The following DNM3 variants were observed in gnomAD, a reference collection of about 807,000 sequenced individuals.
DNM3 encodes dynamin-3.
A neutral mutation model predicts 101.6 loss-of-function variants in DNM3; 47 were observed. That is an observed-to-expected ratio of 0.46 (90% CI 0.37 to 0.59). The LOEUF is 0.59. DNM3 is among the 20% of genes least tolerant of loss of function. DNM3 has a pLI of 0.00. For synonymous variants in DNM3, 385 were observed against 387.9 expected, an observed-to-expected ratio of 0.99 and a Z score of 0.09; for missense variants, 849 against 1,085.7, an observed-to-expected ratio of 0.78 and a Z score of 3.06.
chr1:171,958,001 T>G (rs974790424), intron 2 of DNM3, among the ~76,000 whole-genome samples: 2 of 152,220 alleles, frequency 1.3e-5, no homozygotes, highest in African/African-American at 2.4e-5. Context: ...GTCTTCATTT[T>G]GCTGATAAAG....
intron 2 of DNM3, among the ~76,000 whole-genome samples, chr1:171,973,748 C>A (rs989761612): frequency 2.0e-5 from 3 of 151,558 alleles, no homozygotes; most frequent in African/African-American, 7.3e-5. Flanking sequence ...ACTGCAGCCT[C>A]AACCTCCAGG....
intron 17 of DNM3, among the ~76,000 whole-genome samples, chr1:172,356,987 G>A (rs1289185522): frequency 6.6e-6 from 1 of 151,636 alleles, no homozygotes; most frequent in African/African-American, 2.4e-5. Context: ...ACTAAATCTG[G>A]GACAATTTCA....
chr1:172,252,448 C>G (rs2062210282), intron 14 of DNM3, among the ~76,000 whole-genome samples: 2 of 152,146 alleles, frequency 1.3e-5, no homozygotes, highest in Admixed American at 1.3e-4. Flanking sequence ...GCTGTAGGAA[C>G]AAAAGGATTT....
At chr1:172,396,660 A>G (rs2070028908) in intron 20 of DNM3, among the ~76,000 whole-genome samples, 1 of 152,202 alleles carries the variant, frequency 6.6e-6, no homozygotes, top group African/African-American at 2.4e-5. Flanking sequence ...ATGACTTGGG[A>G]ATGGTCTTAT....
At chr1:172,326,138 G>A (rs1284439271) in intron 17 of DNM3, among the ~76,000 whole-genome samples, 2 of 152,138 alleles carry the variant, frequency 1.3e-5, no homozygotes, top group Non-Finnish European at 2.9e-5. Context: ...ATGCATGACG[G>A]AACAAAACAT....
At chr1:172,075,195 T>C (rs2052551465) in intron 11 of DNM3, among the ~76,000 whole-genome samples, 1 of 152,156 alleles carries the variant, frequency 6.6e-6, no homozygotes, top group Admixed American at 6.5e-5. Context: ...ACGTTCTTTG[T>C]AAATTCTGGA....
At chr1:172,212,042 C>G (rs1464564199) in intron 14 of DNM3, among the ~76,000 whole-genome samples, 2 of 151,974 alleles carry the variant, frequency 1.3e-5, no homozygotes, top group African/African-American at 4.8e-5. Flanking sequence ...GAATTTGTAG[C>G]TAATAGGCAG....
intron 1 of DNM3, among the ~76,000 whole-genome samples, chr1:171,865,016 A>C (rs1323366065): frequency 6.6e-6 from 1 of 152,178 alleles, no homozygotes; most frequent in East Asian, 1.9e-4. Flanking sequence ...AATTGGACGG[A>C]GAGACATTCT....
Position 171,921,072 on chromosome 1 carries a change from C to G in DNM3, c.162-676C>G, listed in dbSNP as rs189830268. 1.9e-3 allele frequency among the ~76,000 whole-genome samples: 283 copies of G among 152,010 alleles called. 2 individuals are homozygous for G. The highest frequency in any genetic ancestry group is 6.7e-3 in the African/African-American group (277 of 41,482). Reference sequence around the variant, plus strand: ...CTGGGTAGCTGGGACTAGAGGCCCACGCCACCACGTCTGGCTGGCTAGTTT... The same window carrying G: ...CTGGGTAGCTGGGACTAGAGGCCCAGGCCACCACGTCTGGCTGGCTAGTTT... On this transcript the variant is annotated intron_variant, in intron 1 of 20. Transcript: ENST00000627582.
At chr1:171,973,691 A>G (rs1369902591) in intron 2 of DNM3, among the ~76,000 whole-genome samples, 1 of 137,568 alleles carries the variant, frequency 7.3e-6, no homozygotes, top group African/African-American at 2.8e-5. Context: ...TTTTTTTTTG[A>G]TACAAGATCT....
intron 18 of DNM3, among the ~76,000 whole-genome samples, chr1:172,385,303 A>G (rs565628165): frequency 1.8e-3 from 267 of 152,346 alleles, no homozygotes; most frequent in Non-Finnish European, 3.3e-3. Flanking sequence ...TAATTTTCCT[A>G]AAACTCTCTT....
intron 2 of DNM3, among the ~76,000 whole-genome samples, chr1:171,961,175 C>T (rs556780623): frequency 8.6e-5 from 13 of 151,954 alleles, no homozygotes; most frequent in South Asian, 4.2e-4. Context: ...AAGATGGATG[C>T]GATGGAGGGA....
At chr1:172,158,656 A>G (rs1156759549) in intron 14 of DNM3, among the ~76,000 whole-genome samples, 1 of 152,072 alleles carries the variant, frequency 6.6e-6, no homozygotes, top group Admixed American at 6.6e-5. Flanking sequence ...GAAAAAATCT[A>G]AAGTCCAAAT....
intron 10 of DNM3, among the ~76,000 whole-genome samples, chr1:172,066,946 C>G (rs1572354690): frequency 9.2e-6 from 1 of 108,802 alleles, no homozygotes; most frequent in Non-Finnish European, 1.9e-5. Context: ...CTCTCTGTCT[C>G]TGTGTTTGTG....
chr1:172,366,794 C>T lies in DNM3; in HGVS notation c.1894-12224C>T, dbSNP rs146239477. ...TCAACCAAAAGAAAGAATTTTTAAACTTGAAGGTGACTATTTTGAAATAAC... is the reference window on the plus strand; with the variant it reads ...TCAACCAAAAGAAAGAATTTTTAAATTTGAAGGTGACTATTTTGAAATAAC... On this transcript the variant is annotated intron_variant, in intron 17 of 20. Transcript: ENST00000627582. 5 of 151,646 alleles carry T rather than the reference C, an allele frequency of 3.3e-5. No homozygotes were observed. The East Asian group carries it at 9.8e-4, about 30-fold the overall frequency. 9.4% of individuals were successfully genotyped at this position (151,646 alleles called of 1,614,324 possible).
At position 172,337,845 on chromosome 1, in the gene DNM3, A is replaced by ATTTTATTTTAT. The variant is rs1173266325; in HGVS notation, c.1893+14509_1893+14519dup. Among the ~76,000 whole-genome samples the ATTTTATTTTAT allele has an allele frequency of 1.0e-4, 15 of 145,356 alleles. 1 individual carries two copies. The highest frequency in any genetic ancestry group is 3.6e-4 in the African/African-American group (14 of 38,392). On this transcript the variant is annotated intron_variant, in intron 17 of 20. Transcript: ENST00000627582. ...AATATGGCTTGGGAGTATTCATTTT[A>ATTTTATTTTAT]TTTTATTTTATTTTATTTTATTTTT...
chr1:172,117,184 A>G (rs1010516898), intron 13 of DNM3, among the ~76,000 whole-genome samples: 7 of 151,916 alleles, frequency 4.6e-5, no homozygotes, highest in Admixed American at 4.6e-4. Flanking sequence ...CAGCCTGGGC[A>G]ACAAGAGCAA....
At chr1:172,347,728 T>C (rs1339985727) in intron 17 of DNM3, among the ~76,000 whole-genome samples, 1 of 152,050 alleles carries the variant, frequency 6.6e-6, no homozygotes, top group East Asian at 1.9e-4. Flanking sequence ...TAGAAGGAAA[T>C]AGTAGAATGG....
intron 2 of DNM3, among the ~76,000 whole-genome samples, chr1:171,927,563 G>A (rs1238861031): frequency 6.6e-6 from 1 of 152,186 alleles, no homozygotes; most frequent in Non-Finnish European, 1.5e-5. Flanking sequence ...ACACACATAT[G>A]TGAATGTTCA....
Sources: gnomAD v4.1 joint callset for allele counts (sites outside exome capture counted in the v4.1 genomes callset) on GRCh38, gnomAD v4.1.1 for gene constraint, MANE v1.5 for transcripts, NCBI Gene and HGNC (gene_info 2026-07-23, HGNC 2026-07-21) for gene names.